C1QTNF3: variants seen among roughly 807,000 people sequenced by gnomAD.
The protein encoded by C1QTNF3 is C1q and TNF related 3.
Under a neutral mutation model 32.6 loss-of-function variants are expected in C1QTNF3, and 26 were observed. That is an observed-to-expected ratio of 0.80 (90% CI 0.58 to 1.11). The LOEUF (loss-of-function observed/expected upper bound fraction) is 1.11. C1QTNF3 is among the 50% of genes least tolerant of loss of function. The probability of loss-of-function intolerance (pLI) is 0.00; values close to 1 mark genes in which losing one functional copy is unlikely to be tolerated. For synonymous variants in C1QTNF3, 155 were observed against 146.0 expected (o/e 1.06, Z -0.44); for missense variants, 362 against 398.2 (o/e 0.91, Z 0.77).
At chr5:34,062,284 T>A in the C1QTNF3 span, among the ~76,000 whole-genome samples, 1 of 152,180 alleles carries the variant, frequency 6.6e-6, no homozygotes, top group African/African-American at 2.4e-5. Context: ...GCAAAATTGT[T>A]TCAGAGAGGG....
the C1QTNF3 span, among the ~76,000 whole-genome samples, chr5:34,178,379 G>C: frequency 6.6e-6 from 1 of 152,200 alleles, no homozygotes; most frequent in Non-Finnish European, 1.5e-5. Flanking sequence ...TTGCAGAAGT[G>C]TCATTCTGTA....
At chr5:34,208,754 A>G in the C1QTNF3 span, among the ~76,000 whole-genome samples, 1 of 152,248 alleles carries the variant, frequency 6.6e-6, no homozygotes, top group Non-Finnish European at 1.5e-5. Flanking sequence ...TTTAGATATT[A>G]CAGTCACTAT....
chr5:34,177,513 G>A, the C1QTNF3 span, among the ~76,000 whole-genome samples: 4 of 135,424 alleles, frequency 3.0e-5, no homozygotes, highest in Admixed American at 7.9e-5. Context: ...TTGAGACGGA[G>A]TCTTGCTCTG....
the C1QTNF3 span, chr5:34,167,025 TA>T: frequency 6.6e-6 from 1 of 152,228 alleles, no homozygotes; most frequent in Non-Finnish European, 1.5e-5. Flanking sequence ...TGATGCTGTC[TA>T]TAGAGATTCT....
At chr5:34,041,802 T>A (rs1239230927) in intron 1 of C1QTNF3, among the ~76,000 whole-genome samples, 4 of 152,050 alleles carry the variant, frequency 2.6e-5, no homozygotes, top group African/African-American at 9.7e-5. Context: ...TGATTCTGTG[T>A]GTGATCTTGG....
At chr5:34,077,872 G>T in the C1QTNF3 span, among the ~76,000 whole-genome samples, 1 of 151,430 alleles carries the variant, frequency 6.6e-6, no homozygotes, top group East Asian at 1.9e-4. Context: ...TAACCTGGTT[G>T]CAACTATTAA....
the C1QTNF3 span, among the ~76,000 whole-genome samples, chr5:34,209,636 A>C: frequency 1.3e-5 from 2 of 152,154 alleles, no homozygotes; most frequent in Non-Finnish European, 2.9e-5. Flanking sequence ...AAGATTTACA[A>C]ACCTTGATAG....
the C1QTNF3 span, among the ~76,000 whole-genome samples, chr5:34,223,227 T>A: frequency 7.0e-6 from 1 of 143,846 alleles, no homozygotes; most frequent in African/African-American, 2.6e-5. Context: ...TGTCCATGTG[T>A]TCTCATTGTT....
the C1QTNF3 span, chr5:34,175,649 C>T: frequency 3.7e-6 from 2 of 542,890 alleles, no homozygotes; most frequent in East Asian, 6.5e-5. Context: ...TCCTTTCCTA[C>T]TTCCTAAGCA....
the C1QTNF3 span, among the ~76,000 whole-genome samples, chr5:34,225,259 C>T: frequency 6.6e-6 from 1 of 151,820 alleles, no homozygotes; most frequent in African/African-American, 2.4e-5. Context: ...GAAAAGATTG[C>T]TAGTAGAATT....
chr5:34,137,080 G>A, the C1QTNF3 span, among the ~76,000 whole-genome samples: 15 of 151,030 alleles, frequency 9.9e-5, no homozygotes, highest in African/African-American at 2.4e-4. Flanking sequence ...AAACCAACAC[G>A]GCACAGGTAT....
chr5:34,077,035 G>A, the C1QTNF3 span, among the ~76,000 whole-genome samples: 567 of 151,846 alleles, frequency 3.7e-3, 27 homozygotes, highest in African/African-American at 0.013. Context: ...CTGTTATAAC[G>A]CCACACAGGA....
At chr5:34,208,951 T>C in the C1QTNF3 span, among the ~76,000 whole-genome samples, 34 of 152,320 alleles carry the variant, frequency 2.2e-4, no homozygotes, top group East Asian at 1.7e-3. Flanking sequence ...CAGGGACCAT[T>C]TGTCAATGTT....
chr5:34,037,829 C>A (rs1473908516), intron 1 of C1QTNF3, among the ~76,000 whole-genome samples: 1 of 152,198 alleles, frequency 6.6e-6, no homozygotes, highest in Non-Finnish European at 1.5e-5. Context: ...CACACCCCAC[C>A]TTCTAATCCA....
chr5:34,157,462 C>T, the C1QTNF3 span, among the ~76,000 whole-genome samples: 1 of 152,154 alleles, frequency 6.6e-6, no homozygotes, highest in Non-Finnish European at 1.5e-5. Context: ...AAGATGTTTG[C>T]ATTGTTGTCC....
the C1QTNF3 span, among the ~76,000 whole-genome samples, chr5:34,064,101 G>T: frequency 6.6e-6 from 1 of 152,100 alleles, no homozygotes; most frequent in Non-Finnish European, 1.5e-5. Flanking sequence ...AGAAGGGTTG[G>T]GGGTTGTTAG....
chr5:34,144,618 A>T, the C1QTNF3 span, among the ~76,000 whole-genome samples: 1 of 152,254 alleles, frequency 6.6e-6, no homozygotes, highest in Admixed American at 6.5e-5. Context: ...AGAAGTGAAT[A>T]TGAATAAAAT....
chr5:34,206,835 A>G, the C1QTNF3 span, among the ~76,000 whole-genome samples: 2 of 151,968 alleles, frequency 1.3e-5, no homozygotes, highest in South Asian at 2.1e-4. Flanking sequence ...ACAGTACTTA[A>G]AGCCCTGACC....
At chr5:34,199,389 TTTG>T in the C1QTNF3 span, among the ~76,000 whole-genome samples, 1 of 149,100 alleles carries the variant, frequency 6.7e-6, no homozygotes, top group Non-Finnish European at 1.5e-5. Context: ...TAAATTGTGT[TTTG>T]TTGTTTGTGC....
Sources: allele counts gnomAD v4.1 joint callset (sites outside exome capture counted in the v4.1 genomes callset), GRCh38; gene constraint gnomAD v4.1.1; transcripts MANE v1.5; gene names NCBI Gene and HGNC (gene_info 2026-07-23, HGNC 2026-07-21).